MAVS: variants seen among roughly 807,000 people sequenced by gnomAD.
The protein encoded by MAVS is mitochondrial antiviral signaling protein.
A neutral mutation model predicts 30.2 loss-of-function variants in MAVS; 20 were observed. The observed-to-expected ratio is 0.66, with a 90% CI of 0.47 to 0.96. The LOEUF is 0.96. Ranked by LOEUF, MAVS falls within the 40% of genes least tolerant of loss-of-function variation. The pLI, the probability that MAVS is intolerant of heterozygous loss-of-function variation, is 0.00. For synonymous variants in MAVS, 278 were observed against 293.9 expected, an observed-to-expected ratio of 0.95 and a Z score of 0.55; for missense variants, 624 against 701.1, an observed-to-expected ratio of 0.89 and a Z score of 1.24.
rs1051866722 is a variant in MAVS at position 3,857,163 on chromosome 20, C to A, written c.118-472C>A. ...CTCTCTTTCCGTCTTTTGCCCCTTT[C>A]ATCATACTTTTGCTATCTACCTTTT... On this transcript the variant is annotated intron_variant, in intron 2 of 6. Transcript: ENST00000428216. Among the ~76,000 whole-genome samples the A allele has an allele frequency of 2.0e-5, 3 of 152,172 alleles. No homozygotes were observed. The South Asian group carries it at 6.2e-4, about 32-fold the overall frequency.
At chr20:3,860,236 C>CT (rs35035902) in intron 3 of MAVS, among the ~76,000 whole-genome samples, 16,326 of 147,730 alleles carry the variant, frequency 0.11, 1,101 homozygotes, top group South Asian at 0.23. Context: ...CCCCCAATTC[C>CT]TTTTTTTTTG....
Position 3,875,739 on chromosome 20 carries a change from T to G in MAVS, c.*9592T>G, listed in dbSNP as rs2089986728. 1.3e-5 allele frequency: 2 copies of G among 152,350 alleles called. No homozygotes were observed. Among genetic ancestry groups the G allele is most frequent in the Non-Finnish European group, 2.9e-5 (2 of 68,058 alleles). 9.4% of individuals were successfully genotyped at this position (152,350 alleles called of 1,614,324 possible). A position where few individuals can be genotyped will look rare whatever the true frequency, so the allele number is the denominator to read the frequency against. On this transcript the variant is annotated 3_prime_UTR_variant, in exon 7 of 7. Coordinates refer to ENST00000428216, the MANE Select transcript of MAVS (RefSeq NM_020746.5). ...AAATCTGTCCTCCCCCAGAGCTCAG[T>G]CCCTCTGCCCTTGGGTGTCCTTGGC... is the stretch of plus-strand genomic sequence containing the variant.
At chr20:3,864,854 C>T in intron 6 of MAVS, 66 bp downstream of exon 6, 1 of 1,566,834 alleles carries the variant, frequency 6.4e-7, no homozygotes, top group East Asian at 2.2e-5. Flanking sequence ...CCCACCTGGC[C>T]CTGGCCTTGG....
At position 3,864,458 on chromosome 20, in the gene MAVS, C is replaced by T. The variant is rs768061996; in HGVS notation, c.828C>T (p.Asp276=). 6.2e-7 allele frequency: 1 copy of T among 1,614,014 alleles called. No individual in the cohort carries two copies. Among genetic ancestry groups the T allele is most frequent in the Admixed American group, 1.7e-5 (1 of 60,004 alleles). Reference sequence around the variant, plus strand: ...AGGGTAAACAGGGTGCAGAGAGTGACCAGGCCGAGCCTATCATCTGCTCCA... The same window carrying T: ...AGGGTAAACAGGGTGCAGAGAGTGATCAGGCCGAGCCTATCATCTGCTCCA... ...AAEGKQGAES[D]QAEPIICSSG... Residue 276 remains aspartate (D), a synonymous_variant, in exon 6 of 7, where the codon GAC becomes GAT. Coordinates refer to ENST00000428216, the MANE Select transcript of MAVS (RefSeq NM_020746.5).
At position 3,857,776 on chromosome 20, in the gene MAVS, G is replaced by T; in HGVS notation, c.259G>T (p.Glu87Ter). ...RGCELVDLAD[E>*]VASVYQSYQP... ...CTGTGAGCTAGTTGATCTCGCGGAC[G>T]AAGTGGCCTCTGTCTACCAGAGCTA... is the stretch of plus-strand genomic sequence containing the variant. The change falls in exon 3 of 7, where the codon GAA (glutamate) becomes TAA (stop). Residue 87 changes from glutamate to a stop codon, truncating the protein, a stop_gained. Transcript: ENST00000428216. LOFTEE classifies it high-confidence loss of function. 2.5e-6 allele frequency: 4 copies of T among 1,614,222 alleles called. No individual in the cohort carries two copies. Among genetic ancestry groups the T allele is most frequent in the Non-Finnish European group, 3.4e-6 (4 of 1,180,046 alleles).
intron 6 of MAVS, 83 bp downstream of exon 6, chr20:3,864,871 C>T (rs2089894930): frequency 2.6e-6 from 4 of 1,513,950 alleles, no homozygotes; most frequent in Non-Finnish European, 2.7e-6. Context: ...TTGGCCCCTT[C>T]CCAGTCTGCA....
At chr20:3,853,109 G>T (rs1210932530) in intron 1 of MAVS, among the ~76,000 whole-genome samples, 1 of 149,800 alleles carries the variant, frequency 6.7e-6, no homozygotes, top group Non-Finnish European at 1.5e-5. Context: ...AACGTGCTGG[G>T]GTTACAGGCG....
chr20:3,853,100 AC>A (rs1411833788), intron 1 of MAVS, among the ~76,000 whole-genome samples: 2 of 149,112 alleles, frequency 1.3e-5, no homozygotes, highest in Non-Finnish European at 3.0e-5. Context: ...CGGCCTCCCA[AC>A]GTGCTGGGGT....
rs907460827 is a variant in MAVS, at chr20:3,866,199, C to T, written c.*52C>T. On this transcript the variant is annotated 3_prime_UTR_variant, in exon 7 of 7. Coordinates refer to ENST00000428216, the MANE Select transcript of MAVS (RefSeq NM_020746.5). ...CATCTGTTCCGTTCCTGCAGTACAC[C>T]TGGCCCCTCTCCGAAGCCCCTTGTC... is the stretch of plus-strand genomic sequence containing the variant. The T allele has an allele frequency of 2.7e-6, 4 of 1,462,632 alleles. No individual in the cohort carries two copies. The highest frequency in any genetic ancestry group is 2.8e-5 in the African/African-American group (2 of 71,108). 90.6% of individuals were successfully genotyped at this position (1,462,632 alleles called of 1,614,324 possible). A position where few individuals can be genotyped will look rare whatever the true frequency, so the allele number is the denominator to read the frequency against.
At chr20:3,855,801 C>A (rs371003273) in intron 2 of MAVS, among the ~76,000 whole-genome samples, 6 of 152,074 alleles carry the variant, frequency 3.9e-5, no homozygotes, top group Non-Finnish European at 8.8e-5. Flanking sequence ...TTTTTTGAGA[C>A]GGAGTCTCGC....
chr20:3,857,701 C>T lies in MAVS; in HGVS notation c.184C>T (p.Leu62Phe). ...RDTLWHLFNT[L>F]QRRPGWVEYF... ...CACCCTCTGGCATCTCTTCAATACC[C>T]TTCAGCGGCGGCCCGGCTGGGTGGA... Residue 62 changes from leucine to phenylalanine, a missense_variant, in exon 3 of 7, where the codon CTT becomes TTT. Physicochemically the swap from Leu to Phe is conservative, Grantham distance 22 (BLOSUM62 0). Transcript: ENST00000428216. The T allele has an allele frequency of 6.2e-7, 1 of 1,614,260 alleles. No homozygotes were observed. Among genetic ancestry groups the T allele is most frequent in the Non-Finnish European group, 8.5e-7 (1 of 1,180,044 alleles).
rs1212230200 is a variant in MAVS, at chr20:3,857,792, A to G, written c.275A>G (p.Tyr92Cys). 2 of 1,613,982 alleles carry G rather than the reference A, an allele frequency of 1.2e-6. No homozygotes were observed. The highest frequency in any genetic ancestry group is 2.7e-5 in the African/African-American group (2 of 74,908). The change falls in exon 3 of 7, where the codon TAC becomes TGC. Residue 92 changes from tyrosine to cysteine, a missense_variant. By Grantham distance (194) the Tyr-to-Cys change is radical. Transcript: ENST00000428216. ...CTCGCGGACGAAGTGGCCTCTGTCT[A>G]CCAGAGCTACCAGCCTCGTGAGCGT... ...VDLADEVASV[Y>C]QSYQPRTSDR...
intron 6 of MAVS, among the ~76,000 whole-genome samples, 159 bp downstream of exon 6, chr20:3,864,947 C>G (rs1050273878): frequency 6.6e-6 from 1 of 152,234 alleles, no homozygotes; most frequent in African/African-American, 2.4e-5. Flanking sequence ...TGAGAACCAG[C>G]CTCATGCAGG....
Position 3,874,522 on chromosome 20 carries a change from G to C in MAVS, c.*8375G>C, listed in dbSNP as rs554648016. The C allele has an allele frequency of 3.6e-6, 1 of 277,608 alleles. No individual in the cohort carries two copies. Among genetic ancestry groups the C allele is most frequent in the South Asian group, 1.7e-4 (1 of 5,932 alleles). The allele number at this position is 277,608 out of a possible 1,614,324, so 17.2% of individuals were successfully genotyped here. On this transcript the variant is annotated 3_prime_UTR_variant, in exon 7 of 7. Transcript: ENST00000428216. ...TAGTGGAAAAAAAGGGAAGGCTCTG[G>C]GTGTGCTGTGATTGGAGATTGTTGG... is the stretch of plus-strand genomic sequence containing the variant.
intron 1 of MAVS, among the ~76,000 whole-genome samples, chr20:3,847,393 C>A (rs2089718074): frequency 1.3e-5 from 2 of 152,210 alleles, no homozygotes. Flanking sequence ...CGATCCAAGG[C>A]TGTGAGGCCT....
rs2089986610 is a variant in MAVS, at chr20:3,875,724, T to G, written c.*9577T>G. On this transcript the variant is annotated 3_prime_UTR_variant, in exon 7 of 7. Transcript: ENST00000428216. ...TGGACCAGTTATGTCAAATCTGTCC[T>G]CCCCCAGAGCTCAGTCCCTCTGCCC... 1 of 152,294 alleles carries G rather than the reference T, an allele frequency of 6.6e-6. No homozygotes were observed. The highest frequency in any genetic ancestry group is 1.5e-5 in the Non-Finnish European group (1 of 68,056). The allele number at this position is 152,294 out of a possible 1,614,324, so 9.4% of individuals were successfully genotyped here.
chr20:3,858,552 C>T (rs1296987359), intron 3 of MAVS, among the ~76,000 whole-genome samples: 1 of 151,704 alleles, frequency 6.6e-6, no homozygotes, highest in Non-Finnish European at 1.5e-5. Context: ...GTTGTCCCAG[C>T]TACTCAGGAG....
rs758162094 is a variant in MAVS, at chr20:3,864,623, G to T, written c.993G>T (p.Lys331Asn). 7.4e-6 allele frequency: 12 copies of T among 1,614,060 alleles called. No homozygotes were observed. Among genetic ancestry groups the T allele is most frequent in the African/African-American group, 1.3e-5 (1 of 74,930 alleles). ...CCTCCAAGTTGCCAACTAGCTCAAA[G>T]CCCCCTGGTGCAGTGCCTTCTAATG... ...TVPSKLPTSS[K>N]PPGAVPSNAL... The change falls in exon 6 of 7, where the codon AAG becomes AAT. Residue 331 changes from lysine (K) to asparagine (N), a missense_variant. Coordinates refer to ENST00000428216, the MANE Select transcript of MAVS (RefSeq NM_020746.5).
At chr20:3,852,025 G>T (rs1232729812) in intron 1 of MAVS, among the ~76,000 whole-genome samples, 1 of 127,396 alleles carries the variant, frequency 7.8e-6, no homozygotes, top group Admixed American at 7.6e-5. Context: ...GACGGAATCT[G>T]GCTCTGTCGC....
Sources: gnomAD v4.1 joint callset for allele counts (sites outside exome capture counted in the v4.1 genomes callset) on GRCh38, gnomAD v4.1.1 for gene constraint, MANE v1.5 for transcripts, NCBI Gene and HGNC (gene_info 2026-07-23, HGNC 2026-07-21) for gene names.